MYH13: variants seen among roughly 807,000 people sequenced by gnomAD.
The protein encoded by MYH13 is myosin-13.
Under a neutral mutation model 232.1 loss-of-function variants are expected in MYH13, and 177 were observed. The ratio of observed to expected loss-of-function variants is 0.76; its 90% confidence interval spans 0.67 to 0.86. MYH13 has a LOEUF of 0.86. Among genes scored for constraint, MYH13 ranks in the 40% least tolerant of loss-of-function variants. The pLI is 0.00. For missense variants in MYH13, 2,246 were observed against 2,405.9 expected, an observed-to-expected ratio of 0.93 and a Z score of 1.39; for synonymous variants, 884 against 923.5, an observed-to-expected ratio of 0.96 and a Z score of 0.78.
rs1013824798 is a variant in MYH13, at chr17:10,304,745, A to G, written c.5467-1247T>C. 1.3e-5 allele frequency among the ~76,000 whole-genome samples: 2 copies of G among 152,344 alleles called. No homozygotes were observed. Among genetic ancestry groups the G allele is most frequent in the Non-Finnish European group, 2.9e-5 (2 of 68,032 alleles). ...ACCTCAAATGTGGAGATCAAATGAA[A>G]GTATGTGAAAGTATTGTTAGAATGA... is the stretch of plus-strand genomic sequence containing the variant. On this transcript the variant is annotated intron_variant, in intron 37 of 40. Transcript: ENST00000252172. The surrounding 1 kb of genome is among the most constrained non-coding windows in gnomAD (Gnocchi z 5.3).
chr17:10,311,142 C>T lies in MYH13; in HGVS notation c.4617G>A (p.Gln1539=). The T allele has an allele frequency of 5.6e-6, 9 of 1,614,052 alleles. No individual in the cohort carries two copies. The highest frequency in any genetic ancestry group is 7.6e-6 in the Non-Finnish European group (9 of 1,179,894). ...EAEKTKKLVE[Q]EKSDLQVALE... ...AGGCGACCTGCAGATCTGACTTTTC[C>T]TGCTCCACTAGCTTCTTGGTCTTTT... The change falls in exon 33 of 41, where the codon CAG becomes CAA. Residue 1539 remains glutamine (Q), a synonymous_variant. Coordinates refer to ENST00000252172, the MANE Select transcript of MYH13 (RefSeq NM_003802.3).
Position 10,319,105 on chromosome 17 carries a change from T to C in MYH13, c.3423A>G (p.Ser1141=). Residue 1141 remains serine, a synonymous_variant, in exon 27 of 41, where the codon TCA becomes TCG. Coordinates refer to ENST00000252172, the MANE Select transcript of MYH13 (RefSeq NM_003802.3). ...TLRAKIEKQR[S]DLARELEEIS... is the part of the protein sequence containing the mutation. ...TCTCCTCCAGTTCCCTGGCCAGATCTGAGCGCTGCTTCTCAATCTTGGCTC... is the reference window on the plus strand; with the variant it reads ...TCTCCTCCAGTTCCCTGGCCAGATCCGAGCGCTGCTTCTCAATCTTGGCTC... 6.2e-7 allele frequency: 1 copy of C among 1,614,194 alleles called. No homozygotes were observed. The highest frequency in any genetic ancestry group is 1.7e-5 in the Admixed American group (1 of 60,016).
At chr17:10,303,145 G>A in intron 39 of MYH13, 51 bp downstream of exon 39, 1 of 1,524,282 alleles carries the variant, frequency 6.6e-7, no homozygotes, top group South Asian at 1.1e-5. Flanking sequence ...CACCCAGGAT[G>A]CCCCAGGGAC....
intron 32 of MYH13, among the ~76,000 whole-genome samples, chr17:10,311,556 G>T (rs1482389933): frequency 6.6e-6 from 1 of 152,198 alleles, no homozygotes; most frequent in Non-Finnish European, 1.5e-5. Flanking sequence ...GAAAGTGTTG[G>T]GTGTGGTCTT....
chr17:10,320,290 T>G, intron 25 of MYH13, 47 bp from the exon 26 acceptor site: 1 of 1,604,846 alleles, frequency 6.2e-7, no homozygotes, highest in Non-Finnish European at 8.5e-7. Flanking sequence ...TACAAGCCTC[T>G]TGGAGGGGGT....
rs1597385407 is a variant in MYH13 at position 10,345,347 on chromosome 17, A to G, written c.1439T>C (p.Ile480Thr). Residue 480 changes from isoleucine (I) to threonine (T), a missense_variant, in exon 15 of 41, where the codon ATC (isoleucine) becomes ACC (threonine). Coordinates refer to ENST00000252172, the MANE Select transcript of MYH13 (RefSeq NM_003802.3). ...TTGCAGTTTCTCATTGGTGAAGTTGATGCACAGCTGCTCCAGGCTGTTGAA... is the reference window on the plus strand; with the variant it reads ...TTGCAGTTTCTCATTGGTGAAGTTGGTGCACAGCTGCTCCAGGCTGTTGAA... ...FDFNSLEQLCINFTNEKLQQF... is the reference protein window; with the variant it reads ...FDFNSLEQLCTNFTNEKLQQF... 1 of 1,614,232 alleles carries G rather than the reference A, an allele frequency of 6.2e-7. No individual in the cohort carries two copies. Among genetic ancestry groups the G allele is most frequent in the Non-Finnish European group, 8.5e-7 (1 of 1,180,042 alleles).
At chr17:10,329,639 G>T (rs1673381284) in intron 21 of MYH13, among the ~76,000 whole-genome samples, 1 of 152,136 alleles carries the variant, frequency 6.6e-6, no homozygotes, top group Admixed American at 6.5e-5. Context: ...TGCTTGTCGG[G>T]CTTCCTCCCA....
intron 18 of MYH13, among the ~76,000 whole-genome samples, chr17:10,337,386 C>A (rs1440379565): frequency 6.6e-6 from 1 of 152,180 alleles, no homozygotes; most frequent in East Asian, 1.9e-4. Flanking sequence ...GAGGCTGGAG[C>A]CTGCTCCCGA....
chr17:10,358,707 T>C (rs2071768228), intron 7 of MYH13, among the ~76,000 whole-genome samples: 1 of 152,114 alleles, frequency 6.6e-6, no homozygotes, highest in South Asian at 2.1e-4. Context: ...TGAGCTATGA[T>C]GGTGTGCCAC....
rs1038166078 is a variant in MYH13, at chr17:10,357,793, G to A, written c.680C>T (p.Pro227Leu). ...TLEDQIIQAN[P>L]LLEAFGNAKT... is the part of the protein sequence containing the mutation. ...GGCATTTCCAAAGGCCTCCAGCAGT[G>A]GGTTGGCCTGGATGATCTGATCCTC... Residue 227 changes from proline (P) to leucine (L), a missense_variant, in exon 8 of 41, where the codon CCA becomes CTA. Pro to Leu is a moderately conservative substitution (Grantham distance 98). Transcript: ENST00000252172. 6 of 1,613,728 alleles carry A rather than the reference G, an allele frequency of 3.7e-6. No homozygotes were observed. The African/African-American group carries it at 5.3e-5, about 14-fold the overall frequency.
intron 2 of MYH13, among the ~76,000 whole-genome samples, chr17:10,365,806 G>T (rs1306010529): frequency 1.3e-5 from 2 of 150,212 alleles, no homozygotes; most frequent in East Asian, 3.9e-4. Flanking sequence ...ATATTGTTTA[G>T]TTAGATTAAT....
intron 24 of MYH13, 54 bp from the exon 25 acceptor site, chr17:10,320,550 C>T (rs947275423): frequency 2.8e-5 from 44 of 1,568,666 alleles, no homozygotes; most frequent in African/African-American, 9.5e-5. Flanking sequence ...GTGTTTGCCC[C>T]GTTTATCCAG....
chr17:10,363,287 G>A (rs575900293), intron 3 of MYH13, among the ~76,000 whole-genome samples: 2 of 122,866 alleles, frequency 1.6e-5, no homozygotes, highest in South Asian at 5.4e-4. Flanking sequence ...CTGCACTCCA[G>A]CCTGGGCGAC....
intron 30 of MYH13, among the ~76,000 whole-genome samples, 189 bp downstream of exon 30, chr17:10,312,969 G>A (rs1906564780): frequency 3.9e-5 from 6 of 151,922 alleles, no homozygotes; most frequent in Admixed American, 3.9e-4. Flanking sequence ...CACCTCCAGG[G>A]AGCTAGGTGG....
rs1262826171 is a variant in MYH13, at chr17:10,321,660, T to G, written c.2983A>C (p.Lys995Gln). The change falls in exon 24 of 41, where the codon AAA becomes CAA. Residue 995 changes from lysine (K) to glutamine (Q), a missense_variant. Lys to Gln is a moderately conservative substitution (Grantham distance 53). Transcript: ENST00000252172. ...AGAGATTTCTTTTCTTTGGTCAATT[T>G]GGAAATGTTTTCTTCAAGTGCTGTC... is the stretch of plus-strand genomic sequence containing the variant. ...EMTALEENIS[K>Q]LTKEKKSLQE... 1 of 1,613,722 alleles carries G rather than the reference T, an allele frequency of 6.2e-7. No homozygotes were observed. The highest frequency in any genetic ancestry group is 2.2e-5 in the East Asian group (1 of 44,888).
chr17:10,318,979 C>T lies in MYH13; in HGVS notation c.3549G>A (p.Glu1183=), dbSNP rs201388234. ...AEFQKMRRDL[E]EATLQHEATA... is the part of the protein sequence containing the mutation. ...TGGCTTCGTGCTGCAGGGTGGCCTCCTCCAGGTCCCTGCGCATTTTCTGGA... is the reference window on the plus strand; with the variant it reads ...TGGCTTCGTGCTGCAGGGTGGCCTCTTCCAGGTCCCTGCGCATTTTCTGGA... Residue 1183 remains glutamate (E), a synonymous_variant, in exon 27 of 41, where the codon GAG becomes GAA. Coordinates refer to ENST00000252172, the MANE Select transcript of MYH13 (RefSeq NM_003802.3). 8.7e-6 allele frequency: 14 copies of T among 1,614,038 alleles called. No individual in the cohort carries two copies. In the Admixed American group the frequency reaches 1.8e-4, roughly 21 times the overall value.
chr17:10,353,237 AT>A (rs1270811450), intron 11 of MYH13, among the ~76,000 whole-genome samples: 1 of 152,220 alleles, frequency 6.6e-6, no homozygotes, highest in African/African-American at 2.4e-5. Flanking sequence ...GGTCCAACTC[AT>A]GAATCATTCT....
rs553410018 is a variant in MYH13, at chr17:10,368,071, GT to G, written c.-13+3137del. On this transcript the variant is annotated intron_variant, in intron 2 of 40. Coordinates refer to ENST00000252172, the MANE Select transcript of MYH13 (RefSeq NM_003802.3). The stretch of plus-strand genomic sequence containing the variant: ...CATATGTGAATTTCATACAGTGGTT[GT>G]TTGGAAAATACTGGTTCACTGAATT... Among the ~76,000 whole-genome samples the G allele has an allele frequency of 2.9e-3, 445 of 152,264 alleles. 3 individuals carry two copies. The highest frequency in any genetic ancestry group is 9.9e-3 in the African/African-American group (412 of 41,552).
intron 1 of MYH13, among the ~76,000 whole-genome samples, chr17:10,372,100 T>C (rs1012811473): frequency 1.3e-4 from 20 of 152,158 alleles, no homozygotes; most frequent in Admixed American, 2.6e-4. Flanking sequence ...CCTCCTTCCT[T>C]CTCCGTCTTT....
Sources: gnomAD v4.1 joint callset for allele counts (sites outside exome capture counted in the v4.1 genomes callset) on GRCh38, gnomAD v4.1.1 for gene constraint, Gnocchi (gnomAD v3.1) non-coding constraint, MANE v1.5 for transcripts, NCBI Gene and HGNC (gene_info 2026-07-23, HGNC 2026-07-21) for gene names.